MAST4: variants seen among roughly 807,000 people sequenced by gnomAD.
MAST4 encodes microtubule-associated serine/threonine-protein kinase 4.
Under a neutral mutation model 162.7 loss-of-function variants are expected in MAST4, and 89 were observed. That is an observed-to-expected ratio of 0.55 (90% CI 0.46 to 0.65). The LOEUF (loss-of-function observed/expected upper bound fraction) is 0.65, where lower values mean the gene tolerates loss of function less well. MAST4 is among the 30% of genes least tolerant of loss of function. The probability of loss-of-function intolerance (pLI) is 0.00; values close to 1 mark genes in which losing one functional copy is unlikely to be tolerated. For missense variants in MAST4, 3,153 were observed against 3,374.0 expected (o/e 0.93, Z 1.62); for synonymous variants, 1,479 against 1,361.1 (o/e 1.09, Z -1.91).
chr5:66,936,036 A>G (rs1742712026), intron 4 of MAST4, among the ~76,000 whole-genome samples: 2 of 152,142 alleles, frequency 1.3e-5, no homozygotes. Flanking sequence ...AAGGCCCAGA[A>G]TGATTATTTA....
At position 66,596,507 on chromosome 5, in the gene MAST4, A is replaced by C; in HGVS notation, c.-149A>C. 1.0e-6 allele frequency: 1 copy of C among 977,164 alleles called. No individual in the cohort carries two copies. The highest frequency in any genetic ancestry group is 4.2e-5 in the South Asian group (1 of 23,764). The allele number at this position is 977,164 out of a possible 1,614,324, so 60.5% of individuals were successfully genotyped here. A position where few individuals can be genotyped will look rare whatever the true frequency, so the allele number is the denominator to read the frequency against. ...AGCAGCGGGCTCCTGCGGCCCCGTC[A>C]CTGCCATGTAGTCGCTGGCGGGGCT... On this transcript the variant is annotated 5_prime_UTR_variant, in exon 1 of 29. Coordinates refer to ENST00000403625, the MANE Select transcript of MAST4 (RefSeq NM_001164664.2).
At chr5:67,150,528 G>A (rs1771672737) in intron 24 of MAST4, among the ~76,000 whole-genome samples, 1 of 152,200 alleles carries the variant, frequency 6.6e-6, no homozygotes, top group Admixed American at 6.5e-5. Context: ...TCCCTAGTCT[G>A]TGTGACTCTT....
At chr5:66,987,783 A>G (rs759551792) in intron 4 of MAST4, among the ~76,000 whole-genome samples, 5 of 152,320 alleles carry the variant, frequency 3.3e-5, no homozygotes, top group Admixed American at 2.0e-4. Context: ...ATGATTATAT[A>G]AACTAATGAG....
intron 3 of MAST4, among the ~76,000 whole-genome samples, chr5:66,832,889 G>C (rs1383176622): frequency 6.6e-6 from 1 of 152,192 alleles, no homozygotes; most frequent in African/African-American, 2.4e-5. Context: ...GGGACAGGAA[G>C]TATCCAGATG....
chr5:67,125,901 C>T (rs888742831), intron 14 of MAST4, among the ~76,000 whole-genome samples: 6 of 152,186 alleles, frequency 3.9e-5, no homozygotes, highest in Admixed American at 6.5e-5. Context: ...TTTCCACATC[C>T]TCTCCAGCAT....
At position 67,110,087 on chromosome 5, in the gene MAST4, C is replaced by T; in HGVS notation, c.1357-11C>T. ...CTCTGCATCATCACTCTCTTTATTG[C>T]TTTTTCATAGGCTCATGATCGTTCA... On this transcript the variant is annotated splice_polypyrimidine_tract_variant and intron_variant, in intron 10 of 28. Coordinates refer to ENST00000403625, the MANE Select transcript of MAST4 (RefSeq NM_001164664.2). 1 of 1,601,624 alleles carries T rather than the reference C, an allele frequency of 6.2e-7. No individual in the cohort carries two copies. The highest frequency in any genetic ancestry group is 8.6e-7 in the Non-Finnish European group (1 of 1,168,804).
At chr5:66,782,155 G>T (rs553568565) in intron 2 of MAST4, among the ~76,000 whole-genome samples, 3 of 152,138 alleles carry the variant, frequency 2.0e-5, no homozygotes, top group African/African-American at 7.2e-5. Context: ...CAGGCATGGT[G>T]GTGGGCGCCT....
chr5:66,866,364 T>A lies in MAST4; in HGVS notation c.643-33587T>A, dbSNP rs145467444. ...AAGTTTCATAAATTGTGATTAGTTC[T>A]GTGGGTTTTTAGAAGCCTATGATGT... On this transcript the variant is annotated intron_variant, in intron 3 of 28. Coordinates refer to ENST00000403625, the MANE Select transcript of MAST4 (RefSeq NM_001164664.2). 2.4e-4 allele frequency among the ~76,000 whole-genome samples: 36 copies of A among 152,322 alleles called. No individual in the cohort carries two copies. In the East Asian group the frequency reaches 7.0e-3, roughly 29 times the overall value.
chr5:66,883,131 G>T (rs1245172242), intron 3 of MAST4, among the ~76,000 whole-genome samples: 4 of 152,184 alleles, frequency 2.6e-5, no homozygotes, highest in African/African-American at 2.4e-5. Flanking sequence ...GAAAGAAGAG[G>T]CCCATGGTTT....
At chr5:66,903,074 G>T (rs890715043) in intron 4 of MAST4, among the ~76,000 whole-genome samples, 1 of 152,138 alleles carries the variant, frequency 6.6e-6, no homozygotes, top group Non-Finnish European at 1.5e-5. Context: ...GTACAAGATG[G>T]CATTTATATT....
At chr5:66,958,623 A>G (rs934238062) in intron 4 of MAST4, among the ~76,000 whole-genome samples, 3 of 152,168 alleles carry the variant, frequency 2.0e-5, no homozygotes, top group African/African-American at 7.2e-5. Flanking sequence ...CTTCCCCCAA[A>G]TTAATGCAGT....
chr5:66,952,468 C>T (rs915281011), intron 4 of MAST4, among the ~76,000 whole-genome samples: 2 of 151,932 alleles, frequency 1.3e-5, no homozygotes, highest in South Asian at 2.1e-4. Flanking sequence ...TAAAAGATGC[C>T]ACCAAAATTA....
At chr5:66,948,369 TATC>T (rs1445906437) in intron 4 of MAST4, among the ~76,000 whole-genome samples, 1 of 152,158 alleles carries the variant, frequency 6.6e-6, no homozygotes, top group Non-Finnish European at 1.5e-5. Context: ...CTCTGTGTAG[TATC>T]ATCAGAGATT....
intron 5 of MAST4, among the ~76,000 whole-genome samples, chr5:67,064,715 AAGC>A (rs1760024646): frequency 6.6e-6 from 1 of 152,210 alleles, no homozygotes; most frequent in East Asian, 1.9e-4. Flanking sequence ...CAAGTCCAAA[AAGC>A]AGCCAAACAG....
chr5:67,049,065 A>ATG (rs1757842236), intron 4 of MAST4, among the ~76,000 whole-genome samples: 1 of 140,368 alleles, frequency 7.1e-6, no homozygotes, highest in African/African-American at 2.7e-5. Context: ...ATATACGTAT[A>ATG]TATATATATA....
At chr5:66,664,450 A>G (rs902178530) in intron 1 of MAST4, among the ~76,000 whole-genome samples, 1 of 149,028 alleles carries the variant, frequency 6.7e-6, no homozygotes, top group Non-Finnish European at 1.5e-5. Context: ...AAAAAAAAAA[A>G]AAGAAAATAG....
chr5:66,917,115 G>C (rs1764164808), intron 4 of MAST4: 3 of 700,604 alleles, frequency 4.3e-6, no homozygotes, highest in Non-Finnish European at 8.0e-6. Flanking sequence ...ATTCTCACCA[G>C]CACTGGATGT....
chr5:66,943,619 C>T (rs1031980567), intron 4 of MAST4, among the ~76,000 whole-genome samples: 1 of 152,018 alleles, frequency 6.6e-6, no homozygotes, highest in African/African-American at 2.4e-5. Context: ...CTTTCTCCAA[C>T]TTTTGTGTTT....
chr5:66,898,120 C>G (rs1418687250), intron 3 of MAST4, among the ~76,000 whole-genome samples: 1 of 152,082 alleles, frequency 6.6e-6, no homozygotes, highest in Non-Finnish European at 1.5e-5. Context: ...GTCTCTAGGC[C>G]TTTGCTCTGC....
Sources: gnomAD v4.1 joint callset for allele counts (sites outside exome capture counted in the v4.1 genomes callset) on GRCh38, gnomAD v4.1.1 for gene constraint, MANE v1.5 for transcripts, NCBI Gene and HGNC (gene_info 2026-07-23, HGNC 2026-07-21) for gene names.